ARHGAP42: variants seen among roughly 807,000 people sequenced by gnomAD.
The protein encoded by ARHGAP42 is Rho GTPase activating protein 42.
Under a neutral mutation model 125.0 loss-of-function variants are expected in ARHGAP42, and 63 were observed. The ratio of observed to expected loss-of-function variants is 0.50; its 90% CI spans 0.41 to 0.62. The LOEUF (loss-of-function observed/expected upper bound fraction) is 0.62, where lower values mean the gene tolerates loss of function less well. ARHGAP42 is among the 20% of genes least tolerant of loss of function. The probability of loss-of-function intolerance (pLI) is 0.00; values close to 1 mark genes in which losing one functional copy is unlikely to be tolerated. For synonymous variants in ARHGAP42, 339 were observed against 351.0 expected (o/e 0.97, Z 0.38); for missense variants, 766 against 1,024.2 (o/e 0.75, Z 3.44).
chr11:100,898,836 A>G (rs1020137102), intron 4 of ARHGAP42, among the ~76,000 whole-genome samples: 7 of 148,584 alleles, frequency 4.7e-5, no homozygotes, highest in African/African-American at 1.2e-4. Context: ...TCATGTCTCC[A>G]TCTCCTTCAT....
chr11:100,899,103 A>G lies in ARHGAP42; in HGVS notation c.385-14349A>G, dbSNP rs1337255362. Among the ~76,000 whole-genome samples, 3 of 152,322 alleles carry G rather than the reference A, an allele frequency of 2.0e-5. No homozygotes were observed. In the East Asian group the frequency reaches 5.8e-4, roughly 29 times the overall value. On this transcript the variant is annotated intron_variant, in intron 4 of 23. Coordinates refer to ENST00000298815, the MANE Select transcript of ARHGAP42 (RefSeq NM_152432.4). The stretch of plus-strand genomic sequence containing the variant: ...TCTGCCTTCATTTCGTTATTTACCC[A>G]GTAGTCATTCAGGAGCAGGTTGTTC...
intron 2 of ARHGAP42, among the ~76,000 whole-genome samples, chr11:100,779,485 T>TATATACACACACAC (rs1312550660): frequency 1.2e-4 from 10 of 81,438 alleles, no homozygotes; most frequent in East Asian, 8.3e-4. Flanking sequence ...TATATATATA[T>TATATACACACACAC]ACACACACAC....
intron 1 of ARHGAP42, among the ~76,000 whole-genome samples, chr11:100,703,204 C>T (rs1235347312): frequency 6.6e-6 from 1 of 152,158 alleles, no homozygotes; most frequent in Non-Finnish European, 1.5e-5. Context: ...TCTGGGGGAA[C>T]ATCATCAGGA....
At chr11:100,984,990 G>T (rs973886581) in intron 22 of ARHGAP42, among the ~76,000 whole-genome samples, 2 of 152,146 alleles carry the variant, frequency 1.3e-5, no homozygotes, top group Non-Finnish European at 2.9e-5. Context: ...TCAGTGCACA[G>T]ATAATTGAAA....
chr11:100,687,495 A>T lies in ARHGAP42; in HGVS notation c.-184A>T. On this transcript the variant is annotated 5_prime_UTR_variant, in exon 1 of 24. Coordinates refer to ENST00000298815, the MANE Select transcript of ARHGAP42 (RefSeq NM_152432.4). ...TGCGCTCGCCTAGCCTCGGGGGAGG[A>T]AGACTGAGCCCGGCGCAGGCGGCGC... The T allele has an allele frequency of 3.3e-6, 1 of 298,904 alleles. No homozygotes were observed. The highest frequency in any genetic ancestry group is 5.4e-6 in the Non-Finnish European group (1 of 183,638). The allele number at this position is 298,904 out of a possible 1,614,324, so 18.5% of individuals were successfully genotyped here. A position where few individuals can be genotyped will look rare whatever the true frequency, so the allele number is the denominator to read the frequency against.
At chr11:100,825,027 T>A (rs1864483133) in intron 3 of ARHGAP42, among the ~76,000 whole-genome samples, 1 of 152,180 alleles carries the variant, frequency 6.6e-6, no homozygotes, top group Non-Finnish European at 1.5e-5. Context: ...GGTGCATTCA[T>A]CACAAGGAAT....
intron 3 of ARHGAP42, among the ~76,000 whole-genome samples, chr11:100,850,608 G>A (rs1865179095): frequency 6.6e-6 from 1 of 152,058 alleles, no homozygotes; most frequent in South Asian, 2.1e-4. Context: ...GGTAAAGAGT[G>A]CTAACTATAC....
chr11:100,845,769 A>G (rs1797971487), intron 3 of ARHGAP42, among the ~76,000 whole-genome samples: 1 of 152,142 alleles, frequency 6.6e-6, no homozygotes, highest in Admixed American at 6.6e-5. Flanking sequence ...ATTGTAATTC[A>G]GTAATGTAAT....
chr11:100,914,966 C>T (rs1328139712), intron 5 of ARHGAP42, among the ~76,000 whole-genome samples: 1 of 152,002 alleles, frequency 6.6e-6, no homozygotes, highest in Non-Finnish European at 1.5e-5. Context: ...TCGACAGTAT[C>T]AAATTTCTTT....
At position 100,961,716 on chromosome 11, in the gene ARHGAP42, A is replaced by T; in HGVS notation, c.1333A>T (p.Ile445Phe). The change falls in exon 15 of 24, where the codon ATT (isoleucine) becomes TTT (phenylalanine). Residue 445 changes from isoleucine to phenylalanine, a missense_variant. Physicochemically the swap from Ile to Phe is conservative, Grantham distance 21. Transcript: ENST00000298815. ...ATCCCCTCCTGATATTGATATTGATATTGAACTGTGGGACAATAAGACGAT... is the reference window on the plus strand; with the variant it reads ...ATCCCCTCCTGATATTGATATTGATTTTGAACTGTGGGACAATAAGACGAT... ...PKSPPDIDID[I>F]ELWDNKTITS... is the part of the protein sequence containing the mutation. 6.4e-7 allele frequency: 1 copy of T among 1,551,742 alleles called. No homozygotes were observed. The highest frequency in any genetic ancestry group is 1.2e-5 in the South Asian group (1 of 84,050).
chr11:100,761,132 G>C (rs1431591819), intron 1 of ARHGAP42, among the ~76,000 whole-genome samples: 6 of 146,824 alleles, frequency 4.1e-5, no homozygotes, highest in African/African-American at 1.5e-4. Flanking sequence ...TGTAGTTAAA[G>C]AAAAAAAAAA....
chr11:100,754,973 T>C (rs1862539670), intron 1 of ARHGAP42, among the ~76,000 whole-genome samples: 2 of 152,264 alleles, frequency 1.3e-5, no homozygotes, highest in South Asian at 4.1e-4. Context: ...TGGATGCTTT[T>C]GGTCTCATTC....
chr11:100,893,158 GGTGTGTGTGT>G (rs142725608), intron 4 of ARHGAP42, among the ~76,000 whole-genome samples: 3 of 146,988 alleles, frequency 2.0e-5, no homozygotes, highest in Non-Finnish European at 3.0e-5. Context: ...AACATTTAGG[GGTGTGTGTGT>G]GTGTGTGTGT....
intron 1 of ARHGAP42, among the ~76,000 whole-genome samples, chr11:100,710,593 CA>C (rs72387152): frequency 0.54 from 77,232 of 141,834 alleles, 21,699 homozygotes; most frequent in African/African-American, 0.7. Flanking sequence ...GGCTGGGGTG[CA>C]AATGGCACGA....
chr11:100,923,976 A>G (rs1867350548), intron 6 of ARHGAP42, among the ~76,000 whole-genome samples: 5 of 152,140 alleles, frequency 3.3e-5, no homozygotes, highest in Admixed American at 6.5e-5. Flanking sequence ...TTACAAATTA[A>G]TTTGGAGGAG....
intron 4 of ARHGAP42, among the ~76,000 whole-genome samples, chr11:100,902,186 G>T (rs1866571278): frequency 6.6e-6 from 1 of 152,154 alleles, no homozygotes. Context: ...TGAAGAATGG[G>T]GCAGTCATTT....
chr11:100,759,027 T>C (rs1231780413), intron 1 of ARHGAP42, among the ~76,000 whole-genome samples: 1 of 152,210 alleles, frequency 6.6e-6, no homozygotes, highest in Non-Finnish European at 1.5e-5. Flanking sequence ...GTTTTTTAAC[T>C]GAATGCTCAC....
intron 1 of ARHGAP42, among the ~76,000 whole-genome samples, chr11:100,699,992 C>G (rs1365806696): frequency 6.6e-6 from 1 of 152,144 alleles, no homozygotes; most frequent in East Asian, 1.9e-4. Flanking sequence ...ATCTCTGCCT[C>G]TGCTGTCACA....
intron 8 of ARHGAP42, among the ~76,000 whole-genome samples, chr11:100,941,065 A>T (rs935675399): frequency 6.6e-6 from 1 of 152,190 alleles, no homozygotes; most frequent in African/African-American, 2.4e-5. Context: ...TGAAAGTGAC[A>T]TTTAGGAAAA....
Sources: allele counts gnomAD v4.1 joint callset (sites outside exome capture counted in the v4.1 genomes callset), GRCh38; gene constraint gnomAD v4.1.1; transcripts MANE v1.5; gene names NCBI Gene and HGNC (gene_info 2026-07-23, HGNC 2026-07-21).